The following CST9 variants were observed in gnomAD, a reference collection of about 807,000 sequenced individuals.
CST9 encodes cystatin-9.
In CST9, 11 loss-of-function variants were observed where a neutral mutation model predicts 7.7. The observed-to-expected ratio is 1.44, with a 90% CI of 0.90 to 2.38. The LOEUF is 2.38. Among genes scored for constraint, CST9 ranks in the 30% most tolerant of loss-of-function variants. The probability of loss-of-function intolerance (pLI) is 0.00; values close to 1 mark genes in which losing one functional copy is unlikely to be tolerated. For synonymous variants in CST9, 71 were observed against 74.3 expected (o/e 0.96, Z 0.23); for missense variants, 214 against 199.1 (o/e 1.07, Z -0.45).
Position 23,603,396 on chromosome 20 carries a change from G to A in CST9, c.*114C>T, listed in dbSNP as rs1457997628. ...GCAGCTGCAATGGTGTCAGAGGGCA[G>A]AATCAGGAAACTCAGATTGGCCAGG... On this transcript the variant is annotated 3_prime_UTR_variant, in exon 2 of 2. Transcript: ENST00000376971. The A allele has an allele frequency of 4.1e-6, 6 of 1,474,102 alleles. No homozygotes were observed. The highest frequency in any genetic ancestry group is 5.4e-6 in the Non-Finnish European group (6 of 1,114,248). The allele number at this position is 1,474,102 out of a possible 1,614,324, so 91.3% of individuals were successfully genotyped here. A position where few individuals can be genotyped will look rare whatever the true frequency, so the allele number is the denominator to read the frequency against.
At position 23,602,765 on chromosome 20, in the gene CST9, G is replaced by A; in HGVS notation, c.*745C>T. 4.1e-6 allele frequency: 4 copies of A among 985,598 alleles called. No homozygotes were observed. Among genetic ancestry groups the A allele is most frequent in the Non-Finnish European group, 4.8e-6 (4 of 830,076 alleles). The allele number at this position is 985,598 out of a possible 1,614,324, so 61.1% of individuals were successfully genotyped here. ...GTAGGGCGGGGTTTGGGGAGGTTCG[G>A]GAATCTTGTGGCATCTGCCCTCAAC... is the stretch of plus-strand genomic sequence containing the variant. On this transcript the variant is annotated 3_prime_UTR_variant, in exon 2 of 2. Coordinates refer to ENST00000376971, the MANE Select transcript of CST9 (RefSeq NM_001008693.3).
intron 1 of CST9, among the ~76,000 whole-genome samples, chr20:23,604,490 T>C (rs1302127835): frequency 6.6e-6 from 1 of 152,174 alleles, no homozygotes; most frequent in Non-Finnish European, 1.5e-5. Context: ...ATTCTAACGG[T>C]ATTAAGAATG....
Position 23,603,621 on chromosome 20 carries a change from G to A in CST9, c.369C>T (p.Asn123=), listed in dbSNP as rs369338029. 9.3e-6 allele frequency: 15 copies of A among 1,614,056 alleles called. No individual in the cohort carries two copies. The highest frequency in any genetic ancestry group is 2.7e-5 in the African/African-American group (2 of 74,922). ...CPFQESLELN[N]VRQGISFPQV... is the part of the protein sequence containing the mutation. ...GAGGAAAGCTGATGCCCTGTCTTACGTTGTTCAGCTCCAGGCTTTCTTGAA... is the reference window on the plus strand; with the variant it reads ...GAGGAAAGCTGATGCCCTGTCTTACATTGTTCAGCTCCAGGCTTTCTTGAA... Residue 123 remains asparagine (N), a synonymous_variant, in exon 2 of 2, where the codon AAC becomes AAT. Transcript: ENST00000376971.
intron 1 of CST9, 97 bp downstream of exon 1, chr20:23,605,513 T>G (rs1683149186): frequency 7.3e-7 from 1 of 1,366,800 alleles, no homozygotes; most frequent in Non-Finnish European, 1.0e-6. Flanking sequence ...GACTATGGAC[T>G]GCTGATGGTG....
chr20:23,604,162 G>A (rs1355203418), intron 1 of CST9, among the ~76,000 whole-genome samples: 1 of 152,200 alleles, frequency 6.6e-6, no homozygotes, highest in Non-Finnish European at 1.5e-5. Context: ...CTCATCTACA[G>A]TGTGTTGTCA....
chr20:23,603,837 G>C (rs1166234575), intron 1 of CST9, 103 bp from the exon 2 acceptor site: 6 of 1,185,868 alleles, frequency 5.1e-6, no homozygotes, highest in Non-Finnish European at 7.3e-6. Flanking sequence ...ACACTTTACT[G>C]CATTTGAGAG....
At chr20:23,605,521 G>T in intron 1 of CST9, 89 bp downstream of exon 1, 2 of 1,446,288 alleles carry the variant, frequency 1.4e-6, no homozygotes, top group Non-Finnish European at 1.9e-6. Context: ...ACTGCTGATG[G>T]TGAACCAAGT....
Position 23,603,597 on chromosome 20 carries a change from A to G in CST9, c.393T>C (p.Pro131=). The G allele has an allele frequency of 2.5e-6, 4 of 1,614,184 alleles. No homozygotes were observed. Among genetic ancestry groups the G allele is most frequent in the Non-Finnish European group, 3.4e-6 (4 of 1,180,030 alleles). ...LNNVRQGISF[P]QVHSCGCCMG... is the part of the protein sequence containing the mutation. Reference sequence around the variant, plus strand: ...TGCAGCATCCACAGCTGTGGACCTGAGGAAAGCTGATGCCCTGTCTTACGT... The same window carrying G: ...TGCAGCATCCACAGCTGTGGACCTGGGGAAAGCTGATGCCCTGTCTTACGT... Residue 131 remains proline, a synonymous_variant, in exon 2 of 2, where the codon CCT becomes CCC. Transcript: ENST00000376971.
rs1345884890 is a variant in CST9 at position 23,605,708 on chromosome 20, A to T, written c.157T>A (p.Phe53Ile). ...TGCACGTTGAAAGTGTTCAAGGCAAACTCCACTGTGGCGAGGAACATAGGA... is the reference window on the plus strand; with the variant it reads ...TGCACGTTGAAAGTGTTCAAGGCAATCTCCACTGTGGCGAGGAACATAGGA... ...QDPMFLATVE[F>I]ALNTFNVQSK... The change falls in exon 1 of 2, where the codon TTT becomes ATT. Residue 53 changes from phenylalanine to isoleucine, a missense_variant. Transcript: ENST00000376971. The T allele has an allele frequency of 1.9e-6, 3 of 1,614,010 alleles. No individual in the cohort carries two copies. Among genetic ancestry groups the T allele is most frequent in the Non-Finnish European group, 2.5e-6 (3 of 1,180,036 alleles).
At position 23,604,543 on chromosome 20, in the gene CST9, GA is replaced by G. The variant is rs1978710045; in HGVS notation, c.256-810del. On this transcript the variant is annotated intron_variant, in intron 1 of 1. Transcript: ENST00000376971. ...CTTGGAGAATCAAGCAAAGCACTGG[GA>G]AAGCAGAAGCATGAGGCCTGGCCAA... Among the ~76,000 whole-genome samples, 4 of 152,352 alleles carry G rather than the reference GA, an allele frequency of 2.6e-5. No individual in the cohort carries two copies. In the South Asian group the frequency reaches 8.3e-4, roughly 32 times the overall value.
intron 1 of CST9, among the ~76,000 whole-genome samples, chr20:23,605,220 C>T (rs1037747457): frequency 1.2e-4 from 19 of 152,088 alleles, no homozygotes; most frequent in African/African-American, 4.6e-4. Context: ...GTCTGTCTCT[C>T]TCTGTCTCTC....
In CST9 at chr20:23,603,623, T is replaced by C. The variant is rs768438129; in HGVS notation, c.367A>G (p.Asn123Asp). Residue 123 changes from asparagine to aspartate, a missense_variant, in exon 2 of 2, where the codon AAC becomes GAC. Asn to Asp is a conservative substitution (Grantham distance 23). Transcript: ENST00000376971. Reference protein sequence around the residue: ...CPFQESLELNNVRQGISFPQV... With the variant: ...CPFQESLELNDVRQGISFPQV... ...GGAAAGCTGATGCCCTGTCTTACGT[T>C]GTTCAGCTCCAGGCTTTCTTGAAAA... 1 of 1,614,220 alleles carries C rather than the reference T, an allele frequency of 6.2e-7. No homozygotes were observed. Among genetic ancestry groups the C allele is most frequent in the South Asian group, 1.1e-5 (1 of 91,084 alleles).
chr20:23,602,951 C>G lies in CST9; in HGVS notation c.*559G>C. On this transcript the variant is annotated 3_prime_UTR_variant, in exon 2 of 2. Coordinates refer to ENST00000376971, the MANE Select transcript of CST9 (RefSeq NM_001008693.3). ...GGTCACTTGTGCCATGCCTCCTCCT[C>G]CAGCCCGTGCCCCTCAGGGGAACCC... 3.0e-6 allele frequency: 3 copies of G among 989,520 alleles called. No homozygotes were observed. The highest frequency in any genetic ancestry group is 3.6e-6 in the Non-Finnish European group (3 of 832,804). 61.3% of individuals were successfully genotyped at this position (989,520 alleles called of 1,614,324 possible). A position where few individuals can be genotyped will look rare whatever the true frequency, so the allele number is the denominator to read the frequency against.
rs182021537 is a variant in CST9 at position 23,603,092 on chromosome 20, G to T, written c.*418C>A. 9.7e-7 allele frequency: 1 copy of T among 1,034,896 alleles called. No homozygotes were observed. The allele number at this position is 1,034,896 out of a possible 1,614,324, so 64.1% of individuals were successfully genotyped here. On this transcript the variant is annotated 3_prime_UTR_variant, in exon 2 of 2. Coordinates refer to ENST00000376971, the MANE Select transcript of CST9 (RefSeq NM_001008693.3). ...ACCTATTTGTTAATCTTACAATAAGGGGGTTGACTAAGAATGGGAAGTTTT... is the reference window on the plus strand; with the variant it reads ...ACCTATTTGTTAATCTTACAATAAGTGGGTTGACTAAGAATGGGAAGTTTT...
Position 23,602,515 on chromosome 20 carries a change from A to T in CST9, c.*995T>A. The T allele has an allele frequency of 5.8e-6, 1 of 171,408 alleles. No homozygotes were observed. The highest frequency in any genetic ancestry group is 1.2e-5 in the Non-Finnish European group (1 of 85,568). 10.6% of individuals were successfully genotyped at this position (171,408 alleles called of 1,614,324 possible). A position where few individuals can be genotyped will look rare whatever the true frequency, so the allele number is the denominator to read the frequency against. On this transcript the variant is annotated 3_prime_UTR_variant, in exon 2 of 2. Coordinates refer to ENST00000376971, the MANE Select transcript of CST9 (RefSeq NM_001008693.3). ...AAACCTCAGACACTTGCAAAATAAG[A>T]GAACAAATATGCACGGAGCTGCTCA...
Position 23,605,803 on chromosome 20 carries a change from A to T in CST9, c.62T>A (p.Phe21Tyr), listed in dbSNP as rs568203356. The T allele has an allele frequency of 4.9e-5, 79 of 1,614,114 alleles. No individual in the cohort carries two copies. The highest frequency in any genetic ancestry group is 6.5e-5 in the Non-Finnish European group (77 of 1,180,042). Reference protein sequence around the residue: ...PWALSLLLMGFQLLVTYAWCS... With the variant: ...PWALSLLLMGYQLLVTYAWCS... ...CCAGGCATAAGTCACCAGGAGCTGG[A>T]AGCCCATGAGAAGCAGTGACAGTGC... is the stretch of plus-strand genomic sequence containing the variant. Residue 21 changes from phenylalanine (F) to tyrosine (Y), a missense_variant, in exon 1 of 2, where the codon TTC becomes TAC. By Grantham distance (22) the Phe-to-Tyr change is conservative. Coordinates refer to ENST00000376971, the MANE Select transcript of CST9 (RefSeq NM_001008693.3).
At position 23,603,321 on chromosome 20, in the gene CST9, G is replaced by C; in HGVS notation, c.*189C>G. 7.0e-7 allele frequency: 1 copy of C among 1,432,002 alleles called. No individual in the cohort carries two copies. Among genetic ancestry groups the C allele is most frequent in the Non-Finnish European group, 9.1e-7 (1 of 1,098,504 alleles). The allele number at this position is 1,432,002 out of a possible 1,614,324, so 88.7% of individuals were successfully genotyped here. On this transcript the variant is annotated 3_prime_UTR_variant, in exon 2 of 2. Coordinates refer to ENST00000376971, the MANE Select transcript of CST9 (RefSeq NM_001008693.3). ...TTCTCTAGAAGGCAGGGAAGAAGTG[G>C]GGAGGAAGACCAGAGAGAAGGTTCT... is the stretch of plus-strand genomic sequence containing the variant.
intron 1 of CST9, among the ~76,000 whole-genome samples, 153 bp from the exon 2 acceptor site, chr20:23,603,887 C>A (rs1219518197): frequency 6.6e-6 from 1 of 152,164 alleles, no homozygotes; most frequent in Non-Finnish European, 1.5e-5. Context: ...GGAGGTGAAA[C>A]CCAGGGGATC....
At chr20:23,604,936 G>A (rs1017603671) in intron 1 of CST9, among the ~76,000 whole-genome samples, 4 of 152,234 alleles carry the variant, frequency 2.6e-5, no homozygotes, top group African/African-American at 9.6e-5. Context: ...GTTCATGCCT[G>A]AAGCCCAGAT....
Sources: gnomAD v4.1 joint callset for allele counts (sites outside exome capture counted in the v4.1 genomes callset) on GRCh38, gnomAD v4.1.1 for gene constraint, MANE v1.5 for transcripts, NCBI Gene and HGNC (gene_info 2026-07-23, HGNC 2026-07-21) for gene names.